PLCB1: variants seen among roughly 807,000 people sequenced by gnomAD.
PLCB1 encodes 1-phosphatidylinositol 4,5-bisphosphate phosphodiesterase beta-1.
In PLCB1, 46 loss-of-function variants were observed where a neutral mutation model predicts 161.8. The ratio of observed to expected loss-of-function variants is 0.28; its 90% CI spans 0.22 to 0.36. The LOEUF (loss-of-function observed/expected upper bound fraction) is 0.36, where lower values mean the gene tolerates loss of function less well. PLCB1 is among the 10% of genes least tolerant of loss of function. The pLI is 1.00. For missense variants in PLCB1, 1,016 were observed against 1,472.5 expected, an observed-to-expected ratio of 0.69 and a Z score of 5.07; for synonymous variants, 517 against 503.7, an observed-to-expected ratio of 1.03 and a Z score of -0.35.
At chr20:8,479,998 C>T (rs773261316) in intron 3 of PLCB1, among the ~76,000 whole-genome samples, 2 of 152,016 alleles carry the variant, frequency 1.3e-5, no homozygotes, top group Non-Finnish European at 2.9e-5. Context: ...ATCTAGGTAT[C>T]GGTTTCTAAA....
At chr20:8,471,399 A>C (rs982297499) in intron 3 of PLCB1, among the ~76,000 whole-genome samples, 1 of 152,124 alleles carries the variant, frequency 6.6e-6, no homozygotes, top group Non-Finnish European at 1.5e-5. Context: ...GCATTGCTTT[A>C]AGGATGTTAA....
rs568325873 is a variant in PLCB1 at position 8,346,845 on chromosome 20, C to G, written c.178-24537C>G. 5.9e-5 allele frequency among the ~76,000 whole-genome samples: 9 copies of G among 152,266 alleles called. No homozygotes were observed. The East Asian group carries it at 1.2e-3, about 20-fold the overall frequency. On this transcript the variant is annotated intron_variant, in intron 2 of 31. Transcript: ENST00000338037. ...TTCTTGAGTTCCAAAAGGCGATTTCCTTCCTCTCCAGAAGGAAATCAAAGA... is the reference window on the plus strand; with the variant it reads ...TTCTTGAGTTCCAAAAGGCGATTTCGTTCCTCTCCAGAAGGAAATCAAAGA...
intron 23 of PLCB1, among the ~76,000 whole-genome samples, chr20:8,741,824 T>C (rs1292037525): frequency 6.6e-6 from 1 of 152,242 alleles, no homozygotes; most frequent in Non-Finnish European, 1.5e-5. Flanking sequence ...TGCACACATC[T>C]TGCTATTTCA....
At chr20:8,819,196 A>C (rs763801913) in intron 31 of PLCB1, among the ~76,000 whole-genome samples, 3 of 152,198 alleles carry the variant, frequency 2.0e-5, no homozygotes, top group Non-Finnish European at 4.4e-5. Context: ...CAAATATGTG[A>C]TCTATGAATA....
At chr20:8,461,165 A>C (rs1009144405) in intron 3 of PLCB1, among the ~76,000 whole-genome samples, 5 of 152,142 alleles carry the variant, frequency 3.3e-5, no homozygotes, top group African/African-American at 1.2e-4. Context: ...CAGTCTTGAG[A>C]AAAAGAATCT....
chr20:8,545,584 G>A (rs975814999), intron 3 of PLCB1, among the ~76,000 whole-genome samples: 8 of 152,272 alleles, frequency 5.3e-5, no homozygotes, highest in Non-Finnish European at 1.2e-4. Context: ...TTATAGGTTT[G>A]GACAGATATG....
In PLCB1 at chr20:8,414,908, C is replaced by G. The variant is rs181881831; in HGVS notation, c.246+43458C>G. On this transcript the variant is annotated intron_variant, in intron 3 of 31. Transcript: ENST00000338037. Reference sequence around the variant, plus strand: ...AGAAATATAGCATCTTGGCTCCCACCCAGACCTACTGACTCAGAATATGCA... The same window carrying G: ...AGAAATATAGCATCTTGGCTCCCACGCAGACCTACTGACTCAGAATATGCA... Among the ~76,000 whole-genome samples the G allele has an allele frequency of 1.0e-3, 154 of 152,102 alleles. 1 individual carries two copies. The highest frequency in any genetic ancestry group is 3.6e-3 in the African/African-American group (151 of 41,478).
At chr20:8,284,103 G>C (rs986370014) in intron 2 of PLCB1, among the ~76,000 whole-genome samples, 1 of 151,152 alleles carries the variant, frequency 6.6e-6, no homozygotes, top group African/African-American at 2.4e-5. Context: ...ATTTAATAAG[G>C]GATTGAAAGA....
At chr20:8,874,965 G>T (rs6118366) in intron 31 of PLCB1, among the ~76,000 whole-genome samples, 2 of 151,528 alleles carry the variant, frequency 1.3e-5, no homozygotes, top group East Asian at 3.9e-4. Flanking sequence ...GAATGTTATT[G>T]CTTCTTTAAA....
chr20:8,301,053 G>T (rs17431073), intron 2 of PLCB1, among the ~76,000 whole-genome samples: 14,006 of 152,198 alleles, frequency 0.092, 815 homozygotes, highest in Non-Finnish European at 0.12. Flanking sequence ...GTTCTACAAT[G>T]CTGCATTACG....
At chr20:8,279,731 T>A (rs1434764678) in intron 2 of PLCB1, among the ~76,000 whole-genome samples, 1 of 152,198 alleles carries the variant, frequency 6.6e-6, no homozygotes, top group Non-Finnish European at 1.5e-5. Flanking sequence ...AATATAATGT[T>A]GAGTGAAGAA....
chr20:8,252,569 T>G (rs1434889140), intron 2 of PLCB1, among the ~76,000 whole-genome samples: 2 of 152,048 alleles, frequency 1.3e-5, no homozygotes, highest in Non-Finnish European at 2.9e-5. Context: ...TGATGAAAAT[T>G]TCCATTTTAT....
At chr20:8,254,086 A>C (rs1268924942) in intron 2 of PLCB1, among the ~76,000 whole-genome samples, 1 of 151,966 alleles carries the variant, frequency 6.6e-6, no homozygotes, top group Admixed American at 6.6e-5. Context: ...CATTTATACT[A>C]AACAATATGT....
At chr20:8,400,787 G>A (rs1008021459) in intron 3 of PLCB1, among the ~76,000 whole-genome samples, 8 of 152,012 alleles carry the variant, frequency 5.3e-5, no homozygotes, top group Non-Finnish European at 8.8e-5. Flanking sequence ...TTTGTTAATA[G>A]GCATTTTATT....
At chr20:8,325,778 A>G (rs1464674522) in intron 2 of PLCB1, among the ~76,000 whole-genome samples, 1 of 152,040 alleles carries the variant, frequency 6.6e-6, no homozygotes, top group Non-Finnish European at 1.5e-5. Flanking sequence ...GTTAAGCGGG[A>G]ATGGGGGTGG....
intron 23 of PLCB1, among the ~76,000 whole-genome samples, chr20:8,747,320 G>C (rs769284694): frequency 7.9e-5 from 12 of 152,310 alleles, no homozygotes; most frequent in South Asian, 2.1e-4. Flanking sequence ...TACGAAAGCT[G>C]TATTCATTTG....
At chr20:8,856,920 C>A (rs570538682) in intron 31 of PLCB1, among the ~76,000 whole-genome samples, 63 of 152,332 alleles carry the variant, frequency 4.1e-4, no homozygotes, top group Middle Eastern at 6.8e-3. Context: ...TTATTATCCA[C>A]AAGCTGGTGA....
At chr20:8,776,707 C>T (rs1004654871) in intron 27 of PLCB1, among the ~76,000 whole-genome samples, 1 of 152,116 alleles carries the variant, frequency 6.6e-6, no homozygotes, top group Non-Finnish European at 1.5e-5. Context: ...TTATTAGACA[C>T]CTGCTTGTTA....
At chr20:8,547,582 G>A (rs1454295824) in intron 3 of PLCB1, among the ~76,000 whole-genome samples, 1 of 151,980 alleles carries the variant, frequency 6.6e-6, no homozygotes, top group Admixed American at 6.6e-5. Context: ...TAGTACTTCT[G>A]GATTCATTCT....
Sources: gnomAD v4.1 joint callset for allele counts (sites outside exome capture counted in the v4.1 genomes callset) on GRCh38, gnomAD v4.1.1 for gene constraint, MANE v1.5 for transcripts, NCBI Gene and HGNC (gene_info 2026-07-23, HGNC 2026-07-21) for gene names.